Variants in EREG observed in about 807,000 individuals in gnomAD.
The protein encoded by EREG is proepiregulin.
A neutral mutation model predicts 22.4 loss-of-function variants in EREG; 23 were observed. That is an observed-to-expected ratio of 1.03 (90% CI 0.74 to 1.46). The LOEUF is 1.46. Among genes scored for constraint, EREG ranks in the 40% most tolerant of loss-of-function variants. EREG has a pLI of 0.00. For missense variants in EREG, 226 were observed against 205.9 expected (o/e 1.10, Z -0.60); for synonymous variants, 100 against 75.4 (o/e 1.33, Z -1.69).
intron 1 of EREG, among the ~76,000 whole-genome samples, chr4:74,371,366 C>T (rs112977628): frequency 6.6e-6 from 1 of 152,072 alleles, no homozygotes; most frequent in African/African-American, 2.4e-5. Flanking sequence ...ATTTTAGCAC[C>T]GTTCACATCT....
chr4:74,372,544 T>A (rs2110384677), intron 1 of EREG, among the ~76,000 whole-genome samples: 1 of 152,328 alleles, frequency 6.6e-6, no homozygotes, highest in Non-Finnish European at 1.5e-5. Context: ...TCAGGAGATG[T>A]TTCTTTTGGA....
chr4:74,366,298 T>G (rs112523581), intron 1 of EREG, among the ~76,000 whole-genome samples: 2,245 of 152,124 alleles, frequency 0.015, 56 homozygotes, highest in African/African-American at 0.051. Context: ...CTCCCTGGAG[T>G]TGGAATGAGG....
Position 74,388,677 on chromosome 4 carries a change from TTTTA to T in EREG, c.*3877_*3880del, listed in dbSNP as rs1038336349. ...AGATAATTTACAAGATATTATTAATTTTTATTTATTTTTCTTGGGAATTGAAAAA... is the reference window on the plus strand; with the variant it reads ...AGATAATTTACAAGATATTATTAATTTTTATTTTTCTTGGGAATTGAAAAA... On this transcript the variant is annotated 3_prime_UTR_variant, in exon 5 of 5. Coordinates refer to ENST00000244869, the MANE Select transcript of EREG (RefSeq NM_001432.3). 1.3e-5 allele frequency: 2 copies of T among 152,568 alleles called. No individual in the cohort carries two copies. Among genetic ancestry groups the T allele is most frequent in the African/African-American group, 2.4e-5 (1 of 41,452 alleles). The allele number at this position is 152,568 out of a possible 1,614,324, so 9.5% of individuals were successfully genotyped here.
intron 1 of EREG, among the ~76,000 whole-genome samples, chr4:74,372,153 G>A (rs1368506618): frequency 5.3e-5 from 8 of 152,136 alleles, no homozygotes; most frequent in Non-Finnish European, 1.2e-4. Context: ...ATGCTATGGA[G>A]GCATATGTGG....
chr4:74,386,230 C>G lies in EREG; in HGVS notation c.*1422C>G, dbSNP rs1752566259. 6.1e-6 allele frequency: 1 copy of G among 164,930 alleles called. No homozygotes were observed. Among genetic ancestry groups the G allele is most frequent in the African/African-American group, 2.4e-5 (1 of 42,104 alleles). The allele number at this position is 164,930 out of a possible 1,614,324, so 10.2% of individuals were successfully genotyped here. On this transcript the variant is annotated 3_prime_UTR_variant, in exon 5 of 5. Transcript: ENST00000244869. ...AGTAGAGTCTCCCTGGATCACATAC[C>G]AGGTCAGGGAGGATCTGTTCTTCCT...
At chr4:74,375,292 AATGACTAGCG>A (rs1752359270) in intron 1 of EREG, among the ~76,000 whole-genome samples, 1 of 150,410 alleles carries the variant, frequency 6.6e-6, no homozygotes, top group African/African-American at 2.4e-5. Context: ...TCATTAAAGT[AATGACTAGCG>A]ATTCTTTTTT....
intron 1 of EREG, among the ~76,000 whole-genome samples, chr4:74,373,411 C>T (rs140561325): frequency 2.5e-3 from 374 of 151,826 alleles, no homozygotes; most frequent in Non-Finnish European, 4.6e-3. Context: ...TTTCAAAACT[C>T]AAAATTAAAA....
intron 1 of EREG, among the ~76,000 whole-genome samples, chr4:74,369,203 G>A (rs80266221): frequency 0.022 from 3,287 of 152,198 alleles, 119 homozygotes; most frequent in African/African-American, 0.075. Context: ...TTACGTGGGT[G>A]AATTCTATAG....
At position 74,382,733 on chromosome 4, in the gene EREG, G is replaced by T. The variant is rs781323724; in HGVS notation, c.367G>T (p.Val123Leu). The change falls in exon 4 of 5, where the codon GTG (valine) becomes TTG (leucine). Residue 123 changes from valine (V) to leucine (L), a missense_variant. Val to Leu is a conservative substitution (Grantham distance 32). Transcript: ENST00000244869. Reference sequence around the variant, plus strand: ...AAGCAAAGAATATGTGGCTTTGACCGTGATTCTTATTATTTTGTTTCTTAT... The same window carrying T: ...AAGCAAAGAATATGTGGCTTTGACCTTGATTCTTATTATTTTGTTTCTTAT... ...PLSKEYVALT[V>L]ILIILFLITV... 3 of 1,613,542 alleles carry T rather than the reference G, an allele frequency of 1.9e-6. No homozygotes were observed. The highest frequency in any genetic ancestry group is 2.5e-6 in the Non-Finnish European group (3 of 1,179,658).
At chr4:74,365,489 T>A (rs1417357322) in intron 1 of EREG, 114 bp downstream of exon 1, 2 of 796,518 alleles carry the variant, frequency 2.5e-6, no homozygotes, top group Non-Finnish European at 3.8e-6. Flanking sequence ...AAGTGTGCTC[T>A]ATTTAAAATT....
In EREG at chr4:74,382,812, T is replaced by C. The variant is rs751088654; in HGVS notation, c.428+18T>C. ...TGCAGATGGTAAGTCAGTGTGGTTTTATACTCTGCTTTTACAAATTACTTT... is the reference window on the plus strand; with the variant it reads ...TGCAGATGGTAAGTCAGTGTGGTTTCATACTCTGCTTTTACAAATTACTTT... On this transcript the variant is annotated intron_variant, in intron 4 of 4. Transcript: ENST00000244869. 9 of 1,594,998 alleles carry C rather than the reference T, an allele frequency of 5.6e-6. No homozygotes were observed. The East Asian group carries it at 8.9e-5, about 16-fold the overall frequency.
At chr4:74,377,985 A>G (rs4694683) in intron 1 of EREG, among the ~76,000 whole-genome samples, 126,394 of 152,202 alleles carry the variant, frequency 0.83, 52,693 homozygotes, top group African/African-American at 0.88. Context: ...GTACATGTTC[A>G]AGAGATGGAT....
rs1752601983 is a variant in EREG, at chr4:74,388,103, TA to T, written c.*3296del. The T allele has an allele frequency of 1.3e-5, 2 of 152,218 alleles. No homozygotes were observed. Among genetic ancestry groups the T allele is most frequent in the Admixed American group, 1.3e-4 (2 of 15,286 alleles). The allele number at this position is 152,218 out of a possible 1,614,324, so 9.4% of individuals were successfully genotyped here. On this transcript the variant is annotated 3_prime_UTR_variant, in exon 5 of 5. Transcript: ENST00000244869. ...GAGACTAAATTCAATCACCACCAGG[TA>T]TCAAATCAACTTTTATGCAGCAAAT...
At chr4:74,382,098 A>C (rs934451664) in intron 3 of EREG, 1 of 152,048 alleles carries the variant, frequency 6.6e-6, no homozygotes, top group African/African-American at 2.4e-5. Context: ...TGAGGTCAGG[A>C]GTTCCTGACC....
chr4:74,373,940 C>T (rs1246618046), intron 1 of EREG, among the ~76,000 whole-genome samples: 1 of 152,076 alleles, frequency 6.6e-6, no homozygotes, highest in African/African-American at 2.4e-5. Flanking sequence ...ACAGTGAAGG[C>T]ATATTCACTC....
rs989199935 is a variant in EREG, at chr4:74,387,811, C to T, written c.*3003C>T. 1 of 152,158 alleles carries T rather than the reference C, an allele frequency of 6.6e-6. No individual in the cohort carries two copies. The highest frequency in any genetic ancestry group is 2.4e-5 in the African/African-American group (1 of 41,442). 9.4% of individuals were successfully genotyped at this position (152,158 alleles called of 1,614,324 possible). ...AAATGCATAATTTATGGTCTTCAACCAAGGCCACATAATAACCCAGTTAAC... is the reference window on the plus strand; with the variant it reads ...AAATGCATAATTTATGGTCTTCAACTAAGGCCACATAATAACCCAGTTAAC... On this transcript the variant is annotated 3_prime_UTR_variant, in exon 5 of 5. Transcript: ENST00000244869.
rs1752557209 is a variant in EREG at position 74,385,624 on chromosome 4, A to G, written c.*816A>G. 1 of 333,700 alleles carries G rather than the reference A, an allele frequency of 3.0e-6. No homozygotes were observed. Among genetic ancestry groups the G allele is most frequent in the Middle Eastern group, 8.0e-4 (1 of 1,252 alleles). 20.7% of individuals were successfully genotyped at this position (333,700 alleles called of 1,614,324 possible). On this transcript the variant is annotated 3_prime_UTR_variant, in exon 5 of 5. Coordinates refer to ENST00000244869, the MANE Select transcript of EREG (RefSeq NM_001432.3). Reference sequence around the variant, plus strand: ...TTATTGCTCAACAGACAATTAGAAAAAAGTCCACACTTGAAGCCTAAATTT... The same window carrying G: ...TTATTGCTCAACAGACAATTAGAAAGAAGTCCACACTTGAAGCCTAAATTT...
rs1183104502 is a variant in EREG, at chr4:74,388,641, A to C, written c.*3833A>C. On this transcript the variant is annotated 3_prime_UTR_variant, in exon 5 of 5. Transcript: ENST00000244869. ...GATAATTGTGTACCTTAAGATATTG[A>C]AGGAGAAAATAGATAATTTACAAGA... 2 of 152,604 alleles carry C rather than the reference A, an allele frequency of 1.3e-5. No individual in the cohort carries two copies. Among genetic ancestry groups the C allele is most frequent in the Non-Finnish European group, 2.9e-5 (2 of 68,020 alleles). The allele number at this position is 152,604 out of a possible 1,614,324, so 9.5% of individuals were successfully genotyped here. A position where few individuals can be genotyped will look rare whatever the true frequency, so the allele number is the denominator to read the frequency against.
intron 1 of EREG, among the ~76,000 whole-genome samples, chr4:74,369,918 A>G (rs957156813): frequency 1.3e-5 from 2 of 152,146 alleles, no homozygotes; most frequent in Non-Finnish European, 2.9e-5. Context: ...CACTTTTAAA[A>G]TTAGAGCTGT....
Sources: allele counts gnomAD v4.1 joint callset (sites outside exome capture counted in the v4.1 genomes callset), GRCh38; gene constraint gnomAD v4.1.1; transcripts MANE v1.5; gene names NCBI Gene and HGNC (gene_info 2026-07-23, HGNC 2026-07-21).